The following SLC9A2 variants were observed in gnomAD, a reference collection of about 807,000 sequenced individuals.
SLC9A2 encodes sodium/hydrogen exchanger 2.
Under a neutral mutation model 71.7 loss-of-function variants are expected in SLC9A2, and 42 were observed. That is an observed-to-expected ratio of 0.59 (90% CI 0.46 to 0.76). The LOEUF (loss-of-function observed/expected upper bound fraction) is 0.76. Ranked by LOEUF, SLC9A2 falls within the 30% of genes least tolerant of loss-of-function variation. The probability of loss-of-function intolerance (pLI) is 0.00; values close to 1 mark genes in which losing one functional copy is unlikely to be tolerated. For missense variants in SLC9A2, 829 were observed against 1,017.4 expected (o/e 0.81, Z 2.52); for synonymous variants, 396 against 392.5 (o/e 1.01, Z -0.10).
intron 5 of SLC9A2, chr2:102,689,930 G>GTT (rs1222776171): frequency 6.6e-6 from 1 of 152,094 alleles, no homozygotes; most frequent in Admixed American, 6.5e-5. Context: ...TGGATAGGCA[G>GTT]TTATATATAT....
chr2:102,659,314 G>A (rs185802875), intron 2 of SLC9A2, among the ~76,000 whole-genome samples: 1,540 of 151,326 alleles, frequency 0.01, 24 homozygotes, highest in African/African-American at 0.036. Flanking sequence ...GGTGGTGAGC[G>A]CCTGTTATCC....
chr2:102,679,543 A>G (rs1254215395), intron 3 of SLC9A2, among the ~76,000 whole-genome samples: 6 of 152,054 alleles, frequency 3.9e-5, no homozygotes, highest in African/African-American at 1.4e-4. Context: ...CACCACACCC[A>G]GCTAATTTTT....
intron 3 of SLC9A2, among the ~76,000 whole-genome samples, chr2:102,677,486 G>C (rs921667687): frequency 3.3e-5 from 5 of 152,310 alleles, no homozygotes; most frequent in Middle Eastern, 3.4e-3. Context: ...AGTGGGGCAA[G>C]ATAATAACAT....
intron 7 of SLC9A2, among the ~76,000 whole-genome samples, chr2:102,695,782 A>ATATATATAT (rs1677747370): frequency 2.9e-4 from 6 of 20,672 alleles, no homozygotes; most frequent in Non-Finnish European, 6.3e-4. Context: ...TATATATTAT[A>ATATATATAT]TATATATTAT....
intron 1 of SLC9A2, among the ~76,000 whole-genome samples, chr2:102,632,784 C>T (rs1466750469): frequency 1.3e-5 from 2 of 152,142 alleles, no homozygotes; most frequent in African/African-American, 4.8e-5. Context: ...TTAGAAATTT[C>T]ACCTAAAAAT....
At chr2:102,703,558 C>T (rs186778842) in intron 9 of SLC9A2, among the ~76,000 whole-genome samples, 8 of 152,282 alleles carry the variant, frequency 5.3e-5, no homozygotes, top group Admixed American at 5.2e-4. Context: ...CATGTAGATA[C>T]AGCACTTATT....
chr2:102,708,925 CA>C lies in SLC9A2; in HGVS notation c.*437del, dbSNP rs1366840710. On this transcript the variant is annotated 3_prime_UTR_variant, in exon 12 of 12. Coordinates refer to ENST00000233969, the MANE Select transcript of SLC9A2 (RefSeq NM_003048.6). ...AAGTATCGAGAACAGCTTTCTTTCCCAGGGGTGAAGGATGGCGCTCGGGGGT... is the reference window on the plus strand; with the variant it reads ...AAGTATCGAGAACAGCTTTCTTTCCCGGGGTGAAGGATGGCGCTCGGGGGT... The C allele has an allele frequency of 6.0e-6, 1 of 167,028 alleles. No individual in the cohort carries two copies. Among genetic ancestry groups the C allele is most frequent in the Non-Finnish European group, 1.3e-5 (1 of 77,482 alleles). 10.3% of individuals were successfully genotyped at this position (167,028 alleles called of 1,614,324 possible).
rs565464313 is a variant in SLC9A2 at position 102,699,411 on chromosome 2, C to T, written c.1587-1659C>T. 1.3e-4 allele frequency among the ~76,000 whole-genome samples: 20 copies of T among 152,268 alleles called. No homozygotes were observed. The South Asian group carries it at 3.9e-3, about 30-fold the overall frequency. On this transcript the variant is annotated intron_variant, in intron 7 of 11. Coordinates refer to ENST00000233969, the MANE Select transcript of SLC9A2 (RefSeq NM_003048.6). ...GTGTAGGAAGTCACAGACCATTGTA[C>T]TTGTACCCAAGGAAGATGCAGGACA...
At chr2:102,677,740 TC>T (rs1254325457) in intron 3 of SLC9A2, among the ~76,000 whole-genome samples, 1 of 152,200 alleles carries the variant, frequency 6.6e-6, no homozygotes, top group Non-Finnish European at 1.5e-5. Flanking sequence ...TCATGGAGCA[TC>T]CAGTTTGGTT....
chr2:102,674,279 C>T (rs1379670332), intron 3 of SLC9A2, among the ~76,000 whole-genome samples: 2 of 152,114 alleles, frequency 1.3e-5, no homozygotes, highest in East Asian at 1.9e-4. Context: ...TGACATGATA[C>T]GTGTCCCAAG....
At chr2:102,643,406 G>A (rs1164408353) in intron 1 of SLC9A2, among the ~76,000 whole-genome samples, 1 of 152,152 alleles carries the variant, frequency 6.6e-6, no homozygotes, top group Non-Finnish European at 1.5e-5. Context: ...CTGGAGAGGA[G>A]CAGTTATTGT....
At position 102,619,619 on chromosome 2, in the gene SLC9A2, C is replaced by T; in HGVS notation, c.-230C>T. 2.5e-6 allele frequency: 1 copy of T among 405,296 alleles called. No homozygotes were observed. Among genetic ancestry groups the T allele is most frequent in the Non-Finnish European group, 4.3e-6 (1 of 230,904 alleles). The allele number at this position is 405,296 out of a possible 1,614,324, so 25.1% of individuals were successfully genotyped here. A position where few individuals can be genotyped will look rare whatever the true frequency, so the allele number is the denominator to read the frequency against. ...GGGCGGCTGAGGGCTGCTGAGGGTACGCGCAGCGGCCTCTCGTCGCCCTGC... is the reference window on the plus strand; with the variant it reads ...GGGCGGCTGAGGGCTGCTGAGGGTATGCGCAGCGGCCTCTCGTCGCCCTGC... On this transcript the variant is annotated 5_prime_UTR_variant, in exon 1 of 12. In the 5' UTR this introduces an upstream ATG that the reference lacks. Transcript: ENST00000233969. The surrounding 1 kb of genome is among the most constrained non-coding windows in gnomAD (Gnocchi z 4.3).
At chr2:102,647,500 C>T (rs1676750117) in intron 1 of SLC9A2, among the ~76,000 whole-genome samples, 1 of 152,020 alleles carries the variant, frequency 6.6e-6, no homozygotes, top group African/African-American at 2.4e-5. Context: ...AATATCAGAG[C>T]AGAACTGAAG....
chr2:102,676,818 T>C (rs1054977358), intron 3 of SLC9A2, among the ~76,000 whole-genome samples: 4 of 152,246 alleles, frequency 2.6e-5, no homozygotes, highest in South Asian at 2.1e-4. Flanking sequence ...AGCTTTTTAA[T>C]TGGTCTTCAT....
chr2:102,694,980 G>GT (rs1677727283), intron 6 of SLC9A2, 63 bp from the exon 7 acceptor site: 1 of 1,363,694 alleles, frequency 7.3e-7, no homozygotes, highest in Non-Finnish European at 1.0e-6. Context: ...AATGATACAA[G>GT]TAGAGTGAAA....
At chr2:102,648,919 T>C (rs1676781231) in intron 1 of SLC9A2, among the ~76,000 whole-genome samples, 1 of 152,218 alleles carries the variant, frequency 6.6e-6, no homozygotes, top group African/African-American at 2.4e-5. Flanking sequence ...CAAAGTAATT[T>C]ATAGATTCAA....
chr2:102,641,370 A>G (rs7576791), intron 1 of SLC9A2, among the ~76,000 whole-genome samples: 7,066 of 151,968 alleles, frequency 0.046, 489 homozygotes, highest in African/African-American at 0.15. Context: ...CAAATTGTGG[A>G]TGACAGGTCC....
chr2:102,633,913 CA>C (rs1676420728), intron 1 of SLC9A2, among the ~76,000 whole-genome samples: 1 of 152,184 alleles, frequency 6.6e-6, no homozygotes, highest in African/African-American at 2.4e-5. Flanking sequence ...CACACACATA[CA>C]CACGTATTAC....
chr2:102,646,953 G>A lies in SLC9A2; in HGVS notation c.290-10611G>A, dbSNP rs556515598. 1.5e-3 allele frequency among the ~76,000 whole-genome samples: 234 copies of A among 151,900 alleles called. 1 individual carries two copies. The highest frequency in any genetic ancestry group is 5.1e-3 in the African/African-American group (210 of 41,420). On this transcript the variant is annotated intron_variant, in intron 1 of 11. Transcript: ENST00000233969. Reference sequence around the variant, plus strand: ...TAGTCAGGACTTGAACTCAGCTCTGGGCAAAGCAGACCTAATAGATATGGA... The same window carrying A: ...TAGTCAGGACTTGAACTCAGCTCTGAGCAAAGCAGACCTAATAGATATGGA...
Sources: gnomAD v4.1 joint callset for allele counts (sites outside exome capture counted in the v4.1 genomes callset) on GRCh38, gnomAD v4.1.1 for gene constraint, Gnocchi (gnomAD v3.1) non-coding constraint, MANE v1.5 for transcripts, NCBI Gene and HGNC (gene_info 2026-07-23, HGNC 2026-07-21) for gene names.